Variants in KCNQ5 observed in about 807,000 individuals in gnomAD.
KCNQ5 encodes the protein potassium voltage-gated channel subfamily Q member 5.
In KCNQ5, 30 loss-of-function variants were observed where a neutral mutation model predicts 98.2. The observed-to-expected ratio is 0.31, with a 90% CI of 0.23 to 0.41. The LOEUF (loss-of-function observed/expected upper bound fraction) is 0.41, where lower values mean the gene tolerates loss of function less well. Ranked by LOEUF, KCNQ5 falls within the 10% of genes least tolerant of loss-of-function variation. KCNQ5 has a pLI of 1.00. For synonymous variants in KCNQ5, 458 were observed against 449.4 expected (o/e 1.02, Z -0.24); for missense variants, 835 against 1,182.5 (o/e 0.71, Z 4.31).
At chr6:72,746,197 T>C (rs1015658010) in intron 1 of KCNQ5, among the ~76,000 whole-genome samples, 3 of 145,162 alleles carry the variant, frequency 2.1e-5, no homozygotes. Context: ...TTGAAACTTT[T>C]TTGTAATTTT....
intron 3 of KCNQ5, among the ~76,000 whole-genome samples, chr6:73,067,070 A>G (rs1773086368): frequency 1.3e-5 from 2 of 152,192 alleles, no homozygotes; most frequent in African/African-American, 2.4e-5. Context: ...TTTTACCTGA[A>G]TATCAACTAT....
rs760173206 is a variant in KCNQ5 at position 73,129,853 on chromosome 6, C to T, written c.1248-3568C>T. 1.1e-5 allele frequency: 17 copies of T among 1,611,042 alleles called. No homozygotes were observed. The highest frequency in any genetic ancestry group is 1.4e-5 in the Non-Finnish European group (16 of 1,178,048). On this transcript the variant is annotated intron_variant, in intron 9 of 13. Transcript: ENST00000370398. ...TGTACACCTCACGGAAGCAGAGGTACCCAGCATCCGGGCTATTGACATGAG... is the reference window on the plus strand; with the variant it reads ...TGTACACCTCACGGAAGCAGAGGTATCCAGCATCCGGGCTATTGACATGAG...
At chr6:72,754,477 G>A (rs114048329) in intron 1 of KCNQ5, among the ~76,000 whole-genome samples, 3,215 of 152,132 alleles carry the variant, frequency 0.021, 115 homozygotes, top group African/African-American at 0.069. Context: ...CTCCCCAAAC[G>A]ACATTGGGAA....
At chr6:72,738,061 A>T (rs915990456) in intron 1 of KCNQ5, among the ~76,000 whole-genome samples, 1 of 152,176 alleles carries the variant, frequency 6.6e-6, no homozygotes, top group African/African-American at 2.4e-5. Context: ...AGGCTGAGGC[A>T]GGAGAATGGC....
chr6:72,673,649 G>A (rs993963745), intron 1 of KCNQ5, among the ~76,000 whole-genome samples: 12 of 152,116 alleles, frequency 7.9e-5, no homozygotes, highest in African/African-American at 2.7e-4. Flanking sequence ...GAAGGAGGAC[G>A]TGGAGTGGGA....
At chr6:73,074,015 C>A (rs1773411851) in intron 3 of KCNQ5, among the ~76,000 whole-genome samples, 1 of 152,130 alleles carries the variant, frequency 6.6e-6, no homozygotes, top group East Asian at 1.9e-4. Context: ...GGTTGATATC[C>A]CAGTCAACAA....
At chr6:72,911,427 A>T (rs1384283427) in intron 1 of KCNQ5, among the ~76,000 whole-genome samples, 1 of 152,128 alleles carries the variant, frequency 6.6e-6, no homozygotes. Context: ...GAACCCCACC[A>T]TTCTGACACC....
At chr6:73,100,270 T>G (rs938956681) in intron 5 of KCNQ5, among the ~76,000 whole-genome samples, 1 of 152,088 alleles carries the variant, frequency 6.6e-6, no homozygotes, top group African/African-American at 2.4e-5. Context: ...AACAACCTAT[T>G]ATGCAACCTA....
intron 11 of KCNQ5, among the ~76,000 whole-genome samples, chr6:73,170,317 G>C (rs940366629): frequency 6.6e-6 from 1 of 152,054 alleles, no homozygotes; most frequent in African/African-American, 2.4e-5. Flanking sequence ...TATCTGAAAT[G>C]TAATTGTTAA....
chr6:72,645,671 G>T (rs184877241), intron 1 of KCNQ5, among the ~76,000 whole-genome samples: 3 of 151,998 alleles, frequency 2.0e-5, no homozygotes, highest in Non-Finnish European at 2.9e-5. Context: ...CTGGCTTTGC[G>T]CTGGGCCCAC....
At chr6:72,718,576 G>A (rs1051969573) in intron 1 of KCNQ5, among the ~76,000 whole-genome samples, 1 of 146,268 alleles carries the variant, frequency 6.8e-6, no homozygotes, top group Admixed American at 7.0e-5. Context: ...TCAGCCTCCC[G>A]AGTAGCTGGG....
At chr6:73,101,596 T>C (rs1417041817) in intron 5 of KCNQ5, among the ~76,000 whole-genome samples, 1 of 152,164 alleles carries the variant, frequency 6.6e-6, no homozygotes, top group Non-Finnish European at 1.5e-5. Context: ...CAGCAGCATT[T>C]CTATATGCCA....
Position 72,755,154 on chromosome 6 carries a change from C to T in KCNQ5, c.398+132567C>T, listed in dbSNP as rs140934255. Among the ~76,000 whole-genome samples, 623 of 152,014 alleles carry T rather than the reference C, an allele frequency of 4.1e-3. 1 individual carries two copies. Among genetic ancestry groups the T allele is most frequent in the Non-Finnish European group, 6.5e-3 (442 of 67,922 alleles). On this transcript the variant is annotated intron_variant, in intron 1 of 13. Coordinates refer to ENST00000370398, the MANE Select transcript of KCNQ5 (RefSeq NM_019842.4). Reference sequence around the variant, plus strand: ...TTTTTCTGATAGTAATACAGTCACTCCAGCTTTCTTTTGATTAGCATTTGT... The same window carrying T: ...TTTTTCTGATAGTAATACAGTCACTTCAGCTTTCTTTTGATTAGCATTTGT...
chr6:72,694,657 G>C (rs1343966786), intron 1 of KCNQ5, among the ~76,000 whole-genome samples: 1 of 152,150 alleles, frequency 6.6e-6, no homozygotes, highest in Non-Finnish European at 1.5e-5. Context: ...AGAATACCTG[G>C]ACAGACTACC....
At chr6:73,029,309 G>A (rs766670805) in intron 2 of KCNQ5, among the ~76,000 whole-genome samples, 1 of 151,960 alleles carries the variant, frequency 6.6e-6, no homozygotes, top group East Asian at 1.9e-4. Flanking sequence ...ACAGAGAAAC[G>A]GATTGTGACA....
chr6:73,188,449 T>G (rs12662788), intron 11 of KCNQ5, among the ~76,000 whole-genome samples: 4,672 of 152,296 alleles, frequency 0.031, 90 homozygotes, highest in East Asian at 0.068. Flanking sequence ...GCCCACCCAG[T>G]CATCATTAGC....
intron 2 of KCNQ5, among the ~76,000 whole-genome samples, chr6:73,040,773 A>G (rs1203159896): frequency 6.6e-6 from 1 of 152,228 alleles, no homozygotes; most frequent in Non-Finnish European, 1.5e-5. Flanking sequence ...AAAGTGCAGC[A>G]TATCATCACA....
chr6:72,856,493 C>CACAT (rs1554171760), intron 1 of KCNQ5, among the ~76,000 whole-genome samples: 2 of 151,224 alleles, frequency 1.3e-5, no homozygotes, highest in Non-Finnish European at 3.0e-5. Flanking sequence ...CACACACACA[C>CACAT]ACGTGTGTGT....
chr6:72,652,349 A>T (rs1246191973), intron 1 of KCNQ5, among the ~76,000 whole-genome samples: 1 of 151,766 alleles, frequency 6.6e-6, no homozygotes, highest in Admixed American at 6.6e-5. Context: ...TTAGAGTGAG[A>T]TATTAATTCC....
Sources: allele counts gnomAD v4.1 joint callset (sites outside exome capture counted in the v4.1 genomes callset), GRCh38; gene constraint gnomAD v4.1.1; transcripts MANE v1.5; gene names NCBI Gene and HGNC (gene_info 2026-07-23, HGNC 2026-07-21).